Variants in LSAMP observed in about 807,000 individuals in gnomAD.
LSAMP encodes the protein limbic system-associated membrane protein.
LSAMP carries 7 observed loss-of-function variants against 38.6 expected under a neutral mutation model. The ratio of observed to expected loss-of-function variants is 0.18; its 90% CI spans 0.10 to 0.34. The LOEUF (loss-of-function observed/expected upper bound fraction) is 0.34. Among genes scored for constraint, LSAMP ranks in the 10% least tolerant of loss-of-function variants. The probability of loss-of-function intolerance (pLI) is 1.00; values close to 1 mark genes in which losing one functional copy is unlikely to be tolerated. For missense variants in LSAMP, 313 were observed against 420.0 expected (o/e 0.75, Z 2.23); for synonymous variants, 154 against 166.8 (o/e 0.92, Z 0.59).
intron 1 of LSAMP, among the ~76,000 whole-genome samples, chr3:116,421,288 G>T (rs1490953106): frequency 6.6e-6 from 1 of 151,946 alleles, no homozygotes; most frequent in Non-Finnish European, 1.5e-5. Context: ...GAATTATTGG[G>T]GCCAGGCGTG....
At chr3:116,432,073 T>C (rs2049288463) in intron 1 of LSAMP, among the ~76,000 whole-genome samples, 1 of 151,940 alleles carries the variant, frequency 6.6e-6, no homozygotes, top group Admixed American at 6.6e-5. Flanking sequence ...GCATGATTAA[T>C]TAAAAATAAA....
intron 3 of LSAMP, among the ~76,000 whole-genome samples, chr3:115,894,051 T>C (rs1936668414): frequency 6.6e-6 from 1 of 152,054 alleles, no homozygotes; most frequent in African/African-American, 2.4e-5. Flanking sequence ...TTCACTTTCT[T>C]ACTCTTAATT....
Position 116,362,717 on chromosome 3 carries a change from C to G in LSAMP, c.155+82160G>C, listed in dbSNP as rs1407098481. On this transcript the variant is annotated intron_variant, in intron 1 of 6. Coordinates refer to ENST00000490035, the MANE Select transcript of LSAMP (RefSeq NM_002338.5). ...CAGGATTAAGAATCTCACTGAAAGC[C>G]GCTCAACTACCTGGAAACTGAACAA... 6.4e-5 allele frequency among the ~76,000 whole-genome samples: 7 copies of G among 108,866 alleles called. 1 individual carries two copies. Among genetic ancestry groups the G allele is most frequent in the Admixed American group, 6.3e-4 (7 of 11,034 alleles). The allele number at this position is 108,866 out of a possible 152,430, so 71.4% of individuals were successfully genotyped here.
intron 1 of LSAMP, among the ~76,000 whole-genome samples, chr3:116,324,305 T>G (rs2047741903): frequency 6.6e-6 from 1 of 152,172 alleles, no homozygotes; most frequent in Non-Finnish European, 1.5e-5. Flanking sequence ...ATTCTTTAGT[T>G]CTCTGTATAT....
At chr3:116,288,159 G>A (rs770847235) in intron 1 of LSAMP, among the ~76,000 whole-genome samples, 4 of 152,168 alleles carry the variant, frequency 2.6e-5, no homozygotes, top group Non-Finnish European at 5.9e-5. Flanking sequence ...GGAACGAATA[G>A]GGAAAAGAGT....
chr3:115,898,302 A>G (rs1260678543), intron 3 of LSAMP, among the ~76,000 whole-genome samples: 3 of 152,160 alleles, frequency 2.0e-5, no homozygotes, highest in African/African-American at 7.2e-5. Flanking sequence ...TGTGAGCTGT[A>G]CATTTCCAAA....
intron 1 of LSAMP, among the ~76,000 whole-genome samples, chr3:116,099,035 G>C (rs1468578555): frequency 2.6e-5 from 4 of 152,120 alleles, no homozygotes; most frequent in African/African-American, 7.2e-5. Flanking sequence ...AGTGAAGGGA[G>C]GTAACTGGTA....
chr3:116,281,248 AG>A (rs1173601357), intron 1 of LSAMP, among the ~76,000 whole-genome samples: 2 of 152,074 alleles, frequency 1.3e-5, no homozygotes, highest in African/African-American at 2.4e-5. Flanking sequence ...GAATAGAGGC[AG>A]GGGAGGATAA....
intron 3 of LSAMP, among the ~76,000 whole-genome samples, chr3:115,868,773 A>G (rs1401592043): frequency 6.6e-6 from 1 of 152,132 alleles, no homozygotes; most frequent in Non-Finnish European, 1.5e-5. Context: ...CCAAAATACA[A>G]TCCAGGACAG....
chr3:115,884,531 G>A (rs1202989662), intron 3 of LSAMP, among the ~76,000 whole-genome samples: 7 of 146,848 alleles, frequency 4.8e-5, no homozygotes, highest in Non-Finnish European at 1.1e-4. Flanking sequence ...GATCATGGAC[G>A]ATTAGAGATG....
chr3:116,106,491 C>A (rs939474256), intron 1 of LSAMP, among the ~76,000 whole-genome samples: 1 of 152,176 alleles, frequency 6.6e-6, no homozygotes, highest in Non-Finnish European at 1.5e-5. Flanking sequence ...ACAGGTCTGA[C>A]TTCTGAGAAG....
chr3:115,863,595 T>C (rs983496430), intron 3 of LSAMP, among the ~76,000 whole-genome samples: 2 of 151,802 alleles, frequency 1.3e-5, no homozygotes, highest in African/African-American at 2.4e-5. Flanking sequence ...TGTATATATA[T>C]ATAAATAAAT....
At chr3:115,900,875 C>A (rs1559873180) in intron 3 of LSAMP, among the ~76,000 whole-genome samples, 1 of 152,150 alleles carries the variant, frequency 6.6e-6, no homozygotes, top group Non-Finnish European at 1.5e-5. Flanking sequence ...GGCTATAGAT[C>A]CTGGAGTTAA....
intron 1 of LSAMP, among the ~76,000 whole-genome samples, chr3:116,105,641 A>G (rs1459709863): frequency 6.6e-6 from 1 of 152,150 alleles, no homozygotes; most frequent in Non-Finnish European, 1.5e-5. Flanking sequence ...GTGGGGCAGG[A>G]ACAAATCACA....
chr3:116,179,257 T>C (rs1280835402), intron 1 of LSAMP, among the ~76,000 whole-genome samples: 1 of 152,118 alleles, frequency 6.6e-6, no homozygotes, highest in African/African-American at 2.4e-5. Context: ...GTTTCATCTG[T>C]GGTCACTTCC....
chr3:116,290,971 T>TCTGA (rs1350551289), intron 1 of LSAMP, among the ~76,000 whole-genome samples: 1 of 152,084 alleles, frequency 6.6e-6, no homozygotes, highest in East Asian at 1.9e-4. Context: ...TGCTTCATAT[T>TCTGA]CTGACTCTGA....
At chr3:116,230,729 T>C (rs923757920) in intron 1 of LSAMP, among the ~76,000 whole-genome samples, 1 of 152,146 alleles carries the variant, frequency 6.6e-6, no homozygotes, top group African/African-American at 2.4e-5. Context: ...CACTCGGCTT[T>C]TGTGCGCTGA....
At chr3:115,882,610 G>A (rs1936350547) in intron 3 of LSAMP, among the ~76,000 whole-genome samples, 1 of 151,966 alleles carries the variant, frequency 6.6e-6, no homozygotes, top group African/African-American at 2.4e-5. Context: ...TACTATTTAA[G>A]TACTCTTGTT....
chr3:115,947,145 T>G (rs1938126114), intron 3 of LSAMP, among the ~76,000 whole-genome samples: 1 of 152,164 alleles, frequency 6.6e-6, no homozygotes, highest in Admixed American at 6.5e-5. Context: ...GAAAGGAATT[T>G]CCACAATCTG....
Sources: allele counts gnomAD v4.1 joint callset (sites outside exome capture counted in the v4.1 genomes callset), GRCh38; gene constraint gnomAD v4.1.1; transcripts MANE v1.5; gene names NCBI Gene and HGNC (gene_info 2026-07-23, HGNC 2026-07-21).